Variants in ADGRB3 observed in about 807,000 individuals in gnomAD.
The protein encoded by ADGRB3 is brain-specific angiogenesis inhibitor 3.
Under a neutral mutation model 193.4 loss-of-function variants are expected in ADGRB3, and 37 were observed. That is an observed-to-expected ratio of 0.19 (90% CI 0.15 to 0.25). The LOEUF is 0.25. ADGRB3 is among the 10% of genes least tolerant of loss of function. ADGRB3 has a pLI of 1.00. For missense variants in ADGRB3, 1,637 were observed against 1,852.9 expected (o/e 0.88, Z 2.14); for synonymous variants, 690 against 644.2 (o/e 1.07, Z -1.08).
intron 6 of ADGRB3, among the ~76,000 whole-genome samples, chr6:68,952,657 A>T (rs1408243118): frequency 1.3e-5 from 2 of 151,582 alleles, no homozygotes; most frequent in African/African-American, 4.8e-5. Flanking sequence ...ATAAAAAAAA[A>T]TTAAAAAGCT....
intron 20 of ADGRB3, among the ~76,000 whole-genome samples, chr6:69,255,790 T>A (rs991412493): frequency 5.3e-5 from 8 of 152,352 alleles, no homozygotes; most frequent in Admixed American, 5.2e-4. Context: ...GCCTATGTCC[T>A]GAATGGTAAT....
At chr6:68,711,245 T>G (rs1562002155) in intron 3 of ADGRB3, among the ~76,000 whole-genome samples, 1 of 152,106 alleles carries the variant, frequency 6.6e-6, no homozygotes, top group Non-Finnish European at 1.5e-5. Context: ...CTCTTCTCTC[T>G]TTTACAGTTA....
chr6:68,839,923 G>C (rs148416661), intron 3 of ADGRB3, among the ~76,000 whole-genome samples: 1 of 152,130 alleles, frequency 6.6e-6, no homozygotes, highest in Admixed American at 6.5e-5. Context: ...GTGATTGTGG[G>C]ATGTTGCATT....
chr6:68,958,178 G>A (rs939126057), intron 8 of ADGRB3, among the ~76,000 whole-genome samples: 8 of 151,976 alleles, frequency 5.3e-5, no homozygotes, highest in Middle Eastern at 3.4e-3. Context: ...TGCAGCCTGC[G>A]TGACAGAGCA....
rs191082500 is a variant in ADGRB3 at position 68,732,432 on chromosome 6, G to C, written c.757+93000G>C. The stretch of plus-strand genomic sequence containing the variant: ...ACTGAACTATTTATAAAGGAAAATT[G>C]TTTTGGTTATAAAAGCTATACAATT... On this transcript the variant is annotated intron_variant, in intron 3 of 31. Transcript: ENST00000370598. Among the ~76,000 whole-genome samples, 37 of 152,028 alleles carry C rather than the reference G, an allele frequency of 2.4e-4. 2 individuals are homozygous for C.
intron 3 of ADGRB3, among the ~76,000 whole-genome samples, chr6:68,772,877 ACAAACAAAAAAAAAAAAATATAT>A (rs1168182957): frequency 0.012 from 340 of 27,716 alleles, 4 homozygotes; most frequent in African/African-American, 0.034. Flanking sequence ...AAACAAACAA[ACAAACAAAAAAAAAAAAATATAT>A]ATATATATAT....
chr6:68,901,562 T>A (rs903281820), intron 3 of ADGRB3, among the ~76,000 whole-genome samples: 1 of 152,190 alleles, frequency 6.6e-6, no homozygotes, highest in Non-Finnish European at 1.5e-5. Flanking sequence ...TAGACACTGT[T>A]TATTTGCTAC....
At chr6:68,701,145 A>C (rs1765236655) in intron 3 of ADGRB3, among the ~76,000 whole-genome samples, 1 of 136,904 alleles carries the variant, frequency 7.3e-6, no homozygotes, top group Non-Finnish European at 1.7e-5. Flanking sequence ...GATTAGAATA[A>C]TCAATGAAAG....
At chr6:68,757,372 CTG>C (rs1417071782) in intron 3 of ADGRB3, among the ~76,000 whole-genome samples, 2 of 152,148 alleles carry the variant, frequency 1.3e-5, no homozygotes, top group African/African-American at 2.4e-5. Flanking sequence ...TTTTTGGACA[CTG>C]TGCTTTTTTT....
chr6:69,189,926 TCCG>T (rs1172258580), intron 17 of ADGRB3, among the ~76,000 whole-genome samples: 1 of 152,138 alleles, frequency 6.6e-6, no homozygotes, highest in Non-Finnish European at 1.5e-5. Context: ...AGCTAAAAAA[TCCG>T]AATCTCTTAG....
intron 17 of ADGRB3, among the ~76,000 whole-genome samples, chr6:69,086,320 T>C (rs1772549993): frequency 6.6e-6 from 1 of 152,112 alleles, no homozygotes; most frequent in Non-Finnish European, 1.5e-5. Flanking sequence ...AAGTGGTTGT[T>C]TTTCAGTATG....
chr6:69,046,819 A>G (rs1243562486), intron 13 of ADGRB3, among the ~76,000 whole-genome samples: 1 of 152,208 alleles, frequency 6.6e-6, no homozygotes, highest in Non-Finnish European at 1.5e-5. Context: ...GATTTAAATT[A>G]CAAATTTTTA....
At position 68,962,073 on chromosome 6, in the gene ADGRB3, G is replaced by C. The variant is rs563610074; in HGVS notation, c.1525+5264G>C. 3.3e-5 allele frequency among the ~76,000 whole-genome samples: 5 copies of C among 152,262 alleles called. 1 individual carries two copies. In the South Asian group the frequency reaches 1.0e-3, roughly 32 times the overall value. ...CTAAAACCAGCCACTGAGTTTAATG[G>C]TGACAGTAGGTGGCACTAGGTATTG... On this transcript the variant is annotated intron_variant, in intron 8 of 31. Coordinates refer to ENST00000370598, the MANE Select transcript of ADGRB3 (RefSeq NM_001704.3).
intron 3 of ADGRB3, among the ~76,000 whole-genome samples, chr6:68,669,830 T>G (rs1308241815): frequency 3.9e-5 from 6 of 151,920 alleles, no homozygotes; most frequent in Admixed American, 3.9e-4. Flanking sequence ...TTTTTAGATT[T>G]TTACAGAACA....
At chr6:69,333,173 A>G (rs1247962861) in intron 24 of ADGRB3, among the ~76,000 whole-genome samples, 165 bp downstream of exon 24, 1 of 152,216 alleles carries the variant, frequency 6.6e-6, no homozygotes, top group Non-Finnish European at 1.5e-5. Context: ...GCTATTTTTA[A>G]GCAATACGAC....
intron 13 of ADGRB3, among the ~76,000 whole-genome samples, chr6:69,038,329 GAC>G (rs35438298): frequency 0.011 from 1,582 of 149,476 alleles, 8 homozygotes; most frequent in Middle Eastern, 0.021. Context: ...TGAATACACA[GAC>G]ACACACACAC....
chr6:68,900,421 C>T (rs1766362752), intron 3 of ADGRB3, among the ~76,000 whole-genome samples: 1 of 152,058 alleles, frequency 6.6e-6, no homozygotes, highest in Admixed American at 6.6e-5. Flanking sequence ...AAAGTAGCCA[C>T]AAGGAGGCCT....
At chr6:69,354,078 G>C (rs762796679) in intron 26 of ADGRB3, among the ~76,000 whole-genome samples, 155 bp from the exon 27 acceptor site, 8 of 151,960 alleles carry the variant, frequency 5.3e-5, no homozygotes, top group Non-Finnish European at 1.2e-4. Context: ...AATAATAGTA[G>C]TAATAATAAT....
intron 24 of ADGRB3, 149 bp downstream of exon 24, chr6:69,333,157 C>A: frequency 2.2e-6 from 2 of 891,588 alleles, no homozygotes; most frequent in Non-Finnish European, 1.7e-6. Context: ...TAAAAGTTTC[C>A]AATGTGCTAT....
Sources: gnomAD v4.1 joint callset for allele counts (sites outside exome capture counted in the v4.1 genomes callset) on GRCh38, gnomAD v4.1.1 for gene constraint, MANE v1.5 for transcripts, NCBI Gene and HGNC (gene_info 2026-07-23, HGNC 2026-07-21) for gene names.